UMAD1: variants seen among roughly 807,000 people sequenced by gnomAD.
The protein encoded by UMAD1 is UBAP1-MVB12-associated (UMA) domain containing 1, also known as UBAP1-MVB12-associated (UMA)-domain containing protein 1.
A neutral mutation model predicts 6.1 loss-of-function variants in UMAD1; 8 were observed. The observed-to-expected ratio is 1.30, with a 90% CI of 0.76 to 2.35. UMAD1 has a LOEUF of 2.35. Among genes scored for constraint, UMAD1 ranks in the 30% most tolerant of loss-of-function variants. The pLI is 0.00. For missense variants in UMAD1, 130 were observed against 78.4 expected, an observed-to-expected ratio of 1.66 and a Z score of -2.49; for synonymous variants, 56 against 31.4, an observed-to-expected ratio of 1.78 and a Z score of -2.61.
chr7:7,813,438 T>C (rs886914507), intron 3 of UMAD1, among the ~76,000 whole-genome samples: 2 of 152,192 alleles, frequency 1.3e-5, no homozygotes, highest in African/African-American at 4.8e-5. Flanking sequence ...ACTCCTGACC[T>C]CATGATCCGC....
intron 3 of UMAD1, among the ~76,000 whole-genome samples, chr7:7,804,223 A>T (rs1782860722): frequency 6.6e-6 from 1 of 152,242 alleles, no homozygotes; most frequent in Non-Finnish European, 1.5e-5. Flanking sequence ...GTGGAGTGGG[A>T]GACTATAAAT....
chr7:7,829,494 A>G (rs1040157212), intron 3 of UMAD1, among the ~76,000 whole-genome samples: 2 of 151,352 alleles, frequency 1.3e-5, no homozygotes, highest in Non-Finnish European at 2.9e-5. Context: ...AAAAAGTTAA[A>G]GCCCATTTTC....
chr7:7,877,539 C>A lies in UMAD1; in HGVS notation c.*1C>A, dbSNP rs1314718365. 1 of 716,790 alleles carries A rather than the reference C, an allele frequency of 1.4e-6. No individual in the cohort carries two copies. Among genetic ancestry groups the A allele is most frequent in the Non-Finnish European group, 2.6e-6 (1 of 384,900 alleles). 44.4% of individuals were successfully genotyped at this position (716,790 alleles called of 1,614,324 possible). ...AAATTCAGTGCTCTGTGATTCATAACCTTTATGTCTGTTTGCACCTTAACA... is the reference window on the plus strand; with the variant it reads ...AAATTCAGTGCTCTGTGATTCATAAACTTTATGTCTGTTTGCACCTTAACA... On this transcript the variant is annotated 3_prime_UTR_variant, in exon 4 of 4. Coordinates refer to ENST00000682710, the MANE Select transcript of UMAD1 (RefSeq NM_001302348.2).
chr7:7,821,536 T>A (rs1783241652), intron 3 of UMAD1, among the ~76,000 whole-genome samples: 1 of 152,166 alleles, frequency 6.6e-6, no homozygotes, highest in Non-Finnish European at 1.5e-5. Context: ...ATATGTACAG[T>A]AAATATCAGA....
At chr7:7,844,481 G>A (rs527567650) in intron 3 of UMAD1, among the ~76,000 whole-genome samples, 3 of 152,216 alleles carry the variant, frequency 2.0e-5, no homozygotes, top group Non-Finnish European at 4.4e-5. Context: ...GAGCCCAGGT[G>A]CATTTTATAG....
chr7:7,662,407 G>A (rs1785496997), intron 1 of UMAD1, among the ~76,000 whole-genome samples: 1 of 152,088 alleles, frequency 6.6e-6, no homozygotes, highest in South Asian at 2.1e-4. Flanking sequence ...CTAAATGGCC[G>A]CCCAGTTTTG....
At chr7:7,668,819 G>A (rs1779534160) in intron 1 of UMAD1, among the ~76,000 whole-genome samples, 1 of 152,196 alleles carries the variant, frequency 6.6e-6, no homozygotes, top group South Asian at 2.1e-4. Context: ...AAGTGCTACA[G>A]CTGGCCAGAG....
chr7:7,667,032 C>T (rs916044549), intron 1 of UMAD1, among the ~76,000 whole-genome samples: 2 of 152,184 alleles, frequency 1.3e-5, no homozygotes, highest in Non-Finnish European at 2.9e-5. Flanking sequence ...AGGTCTCTAA[C>T]TCCTAACCTC....
At chr7:7,643,637 G>A (rs978215889) in intron 1 of UMAD1, among the ~76,000 whole-genome samples, 8 of 151,600 alleles carry the variant, frequency 5.3e-5, no homozygotes, top group Admixed American at 4.6e-4. Context: ...GCGTGAACCC[G>A]AGAGGCGGAG....
At chr7:7,811,238 C>CAA (rs1783016699) in intron 3 of UMAD1, among the ~76,000 whole-genome samples, 1 of 152,068 alleles carries the variant, frequency 6.6e-6, no homozygotes, top group Non-Finnish European at 1.5e-5. Flanking sequence ...AAAGACTTGC[C>CAA]AGGATTTTTG....
intron 3 of UMAD1, among the ~76,000 whole-genome samples, chr7:7,841,249 G>A (rs981316208): frequency 5.9e-5 from 9 of 151,936 alleles, no homozygotes; most frequent in African/African-American, 2.2e-4. Context: ...AGTGACTCCC[G>A]AAGATGTGGT....
intron 3 of UMAD1, among the ~76,000 whole-genome samples, chr7:7,808,360 C>G (rs975296029): frequency 6.6e-6 from 1 of 151,928 alleles, no homozygotes; most frequent in Non-Finnish European, 1.5e-5. Flanking sequence ...GCCATTATGA[C>G]TCATCTCTTA....
chr7:7,789,728 G>C (rs1583826576), intron 2 of UMAD1, among the ~76,000 whole-genome samples: 1 of 151,968 alleles, frequency 6.6e-6, no homozygotes. Flanking sequence ...TCTTGTGACT[G>C]GCTTATTTTA....
At chr7:7,868,320 C>T (rs1784273372) in intron 3 of UMAD1, 1 of 152,162 alleles carries the variant, frequency 6.6e-6, no homozygotes, top group African/African-American at 2.4e-5. Context: ...CCACCGCGCC[C>T]CCACTCTAGT....
intron 1 of UMAD1, among the ~76,000 whole-genome samples, chr7:7,642,794 C>G (rs1785004327): frequency 6.6e-6 from 1 of 152,144 alleles, no homozygotes; most frequent in Non-Finnish European, 1.5e-5. Flanking sequence ...CCCAATGAAG[C>G]CCTCCTTGCT....
At chr7:7,813,126 A>T (rs747816370) in intron 3 of UMAD1, among the ~76,000 whole-genome samples, 25 of 152,322 alleles carry the variant, frequency 1.6e-4, no homozygotes, top group Non-Finnish European at 3.4e-4. Flanking sequence ...AAAAAAAATT[A>T]TACTTTAGCT....
At chr7:7,876,346 G>C (rs1011488996) in intron 3 of UMAD1, among the ~76,000 whole-genome samples, 9 of 152,178 alleles carry the variant, frequency 5.9e-5, no homozygotes, top group Non-Finnish European at 8.8e-5. Flanking sequence ...CACACCTGGA[G>C]CCAGATGGCG....
intron 2 of UMAD1, among the ~76,000 whole-genome samples, chr7:7,796,496 C>A (rs1782685117): frequency 1.3e-5 from 2 of 152,074 alleles, no homozygotes. Context: ...GGTGATCCGC[C>A]TGCCTCGGCC....
intron 2 of UMAD1, among the ~76,000 whole-genome samples, chr7:7,709,953 G>A (rs1409551550): frequency 6.6e-6 from 1 of 151,550 alleles, no homozygotes; most frequent in African/African-American, 2.4e-5. Flanking sequence ...GCTTTTTTGG[G>A]GTCTCTTTTT....
Sources: gnomAD v4.1 joint callset for allele counts (sites outside exome capture counted in the v4.1 genomes callset) on GRCh38, gnomAD v4.1.1 for gene constraint, MANE v1.5 for transcripts, NCBI Gene and HGNC (gene_info 2026-07-23, HGNC 2026-07-21) for gene names.